The following NPSR1 variants were observed in gnomAD, a reference collection of about 807,000 sequenced individuals.
The protein encoded by NPSR1 is neuropeptide S receptor 1.
A neutral mutation model predicts 46.9 loss-of-function variants in NPSR1; 48 were observed. The observed-to-expected ratio is 1.02, with a 90% CI of 0.81 to 1.30. The LOEUF (loss-of-function observed/expected upper bound fraction) is 1.30. Ranked by LOEUF, NPSR1 falls within the 50% of genes most tolerant of loss-of-function variation. The pLI is 0.00. For synonymous variants in NPSR1, 176 were observed against 168.1 expected, an observed-to-expected ratio of 1.05 and a Z score of -0.36; for missense variants, 450 against 449.5, an observed-to-expected ratio of 1.00 and a Z score of -0.01.
chr7:34,875,354 C>G (rs1396487488), intron 8 of NPSR1, among the ~76,000 whole-genome samples: 2 of 152,122 alleles, frequency 1.3e-5, no homozygotes, highest in African/African-American at 2.4e-5. Flanking sequence ...AAAAAGATCC[C>G]CAGATGATTC....
intron 2 of NPSR1, among the ~76,000 whole-genome samples, chr7:34,746,835 A>T (rs1402520583): frequency 6.6e-6 from 1 of 152,104 alleles, no homozygotes; most frequent in African/African-American, 2.4e-5. Flanking sequence ...TTAAACATGG[A>T]GGCATTTCTG....
intron 2 of NPSR1, among the ~76,000 whole-genome samples, chr7:34,721,055 C>T (rs1418486033): frequency 2.0e-5 from 3 of 152,022 alleles, no homozygotes; most frequent in African/African-American, 4.8e-5. Context: ...GTTTTACTGT[C>T]ATGCAAAGTT....
intron 2 of NPSR1, among the ~76,000 whole-genome samples, chr7:34,760,561 A>G (rs1786122529): frequency 1.3e-5 from 2 of 152,178 alleles, no homozygotes; most frequent in Admixed American, 1.3e-4. Flanking sequence ...TACCCAACAC[A>G]ATGAAAAATA....
rs139056443 is a variant in NPSR1, at chr7:34,700,078, C to T, written c.280+15394C>T. Among the ~76,000 whole-genome samples the T allele has an allele frequency of 1.3e-4, 20 of 152,170 alleles. No individual in the cohort carries two copies. The East Asian group carries it at 3.7e-3, about 28-fold the overall frequency. On this transcript the variant is annotated intron_variant, in intron 2 of 8. Coordinates refer to ENST00000360581, the MANE Select transcript of NPSR1 (RefSeq NM_207172.2). ...AGGTTTTGCTGGTAACTTGGGAACA[C>T]AGTAAGGGAAGGAAAATAACTTTGT...
chr7:34,733,193 G>C (rs1236833445), intron 2 of NPSR1, among the ~76,000 whole-genome samples: 1 of 152,138 alleles, frequency 6.6e-6, no homozygotes, highest in African/African-American at 2.4e-5. Context: ...AAGCCACAGT[G>C]GGTGGATCAC....
At chr7:34,768,116 A>C (rs1259838167) in intron 2 of NPSR1, among the ~76,000 whole-genome samples, 1 of 152,168 alleles carries the variant, frequency 6.6e-6, no homozygotes, top group Non-Finnish European at 1.5e-5. Context: ...ATGAATATGT[A>C]CACTTATTTT....
chr7:34,840,927 C>T (rs944533762), intron 6 of NPSR1, among the ~76,000 whole-genome samples: 1 of 152,148 alleles, frequency 6.6e-6, no homozygotes, highest in African/African-American at 2.4e-5. Flanking sequence ...TGCAGTCCTG[C>T]AGCTAAACAG....
chr7:34,835,968 A>G (rs901302519), intron 6 of NPSR1, among the ~76,000 whole-genome samples: 2 of 152,166 alleles, frequency 1.3e-5, no homozygotes, highest in Non-Finnish European at 2.9e-5. Flanking sequence ...TTAATGTTCA[A>G]CCAGGTTTGA....
chr7:34,841,216 C>T (rs991206139), intron 6 of NPSR1, among the ~76,000 whole-genome samples: 4 of 152,126 alleles, frequency 2.6e-5, no homozygotes, highest in Admixed American at 6.5e-5. Flanking sequence ...AGATGAATTC[C>T]CCCCACTACC....
intron 3 of NPSR1, among the ~76,000 whole-genome samples, chr7:34,803,593 G>A (rs1320973730): frequency 6.6e-6 from 1 of 151,922 alleles, no homozygotes; most frequent in Non-Finnish European, 1.5e-5. Flanking sequence ...GGGAGGGATA[G>A]CATTAGGAGA....
intron 4 of NPSR1, among the ~76,000 whole-genome samples, chr7:34,821,842 G>A (rs1384806458): frequency 6.6e-6 from 1 of 152,104 alleles, no homozygotes; most frequent in African/African-American, 2.4e-5. Context: ...TCAACATAAG[G>A]TGCTTGGAAA....
chr7:34,807,883 G>A (rs1584067304), intron 3 of NPSR1, among the ~76,000 whole-genome samples: 1 of 136,300 alleles, frequency 7.3e-6, no homozygotes, highest in African/African-American at 2.7e-5. Context: ...AAAGCTCCCC[G>A]CCCCTACCCC....
intron 8 of NPSR1, among the ~76,000 whole-genome samples, chr7:34,864,293 G>T (rs1791258674): frequency 6.6e-6 from 1 of 150,926 alleles, no homozygotes; most frequent in South Asian, 2.1e-4. Context: ...GATGGGTGTA[G>T]CAAACCAGCA....
chr7:34,766,543 C>T (rs537337016), intron 2 of NPSR1, among the ~76,000 whole-genome samples: 12 of 152,106 alleles, frequency 7.9e-5, no homozygotes, highest in African/African-American at 2.6e-4. Context: ...GATACACACA[C>T]CTTAGAAGAA....
At chr7:34,708,588 T>A (rs562444397) in intron 2 of NPSR1, among the ~76,000 whole-genome samples, 2 of 152,202 alleles carry the variant, frequency 1.3e-5, no homozygotes, top group South Asian at 4.2e-4. Flanking sequence ...GAGCTTATAG[T>A]TAGAGGAAGG....
At chr7:34,659,253 G>A (rs898070) in intron 1 of NPSR1, among the ~76,000 whole-genome samples, 55,363 of 152,020 alleles carry the variant, frequency 0.36, 10,423 homozygotes, top group South Asian at 0.46. Flanking sequence ...GAAATGAACC[G>A]CACATTTGGG....
At position 34,770,950 on chromosome 7, in the gene NPSR1, A is replaced by G. The variant is rs189654475; in HGVS notation, c.281-7512A>G. ...AAGAGGATGAGCCCATTCACTTTTT[A>G]TAATGGCATTAATCTATTCATGAGG... On this transcript the variant is annotated intron_variant, in intron 2 of 8. Transcript: ENST00000360581. Among the ~76,000 whole-genome samples the G allele has an allele frequency of 1.8e-3, 272 of 152,304 alleles. 1 individual carries two copies. The highest frequency in any genetic ancestry group is 3.1e-3 in the Non-Finnish European group (209 of 68,024).
chr7:34,814,615 T>G (rs568614363), intron 4 of NPSR1, among the ~76,000 whole-genome samples: 3 of 152,190 alleles, frequency 2.0e-5, no homozygotes, highest in South Asian at 2.1e-4. Context: ...CACCTGTGTA[T>G]GCTAACTGGG....
intron 2 of NPSR1, among the ~76,000 whole-genome samples, chr7:34,703,195 T>A (rs957702490): frequency 8.6e-5 from 13 of 151,992 alleles, no homozygotes; most frequent in Non-Finnish European, 1.6e-4. Flanking sequence ...CCGTCTCTAC[T>A]AAAAATACAA....
Sources: gnomAD v4.1 joint callset for allele counts (sites outside exome capture counted in the v4.1 genomes callset) on GRCh38, gnomAD v4.1.1 for gene constraint, MANE v1.5 for transcripts, NCBI Gene and HGNC (gene_info 2026-07-23, HGNC 2026-07-21) for gene names.